IL1RAPL2: variants seen among roughly 807,000 people sequenced by gnomAD.
IL1RAPL2 encodes the protein interleukin 1 receptor accessory protein like 2.
A neutral mutation model predicts 44.1 loss-of-function variants in IL1RAPL2; 3 were observed. That is an observed-to-expected ratio of 0.07 (90% CI 0.03 to 0.18). IL1RAPL2 has a LOEUF of 0.18. IL1RAPL2 is among the 10% of genes least tolerant of loss of function. The pLI, the probability that IL1RAPL2 is intolerant of heterozygous loss-of-function variation, is 1.00. For missense variants in IL1RAPL2, 391 were observed against 496.4 expected, an observed-to-expected ratio of 0.79 and a Z score of 2.02; for synonymous variants, 181 against 178.8, an observed-to-expected ratio of 1.01 and a Z score of -0.10.
chrX:105,287,904 A>G (rs2034583065), intron 5 of IL1RAPL2, among the ~76,000 whole-genome samples: 1 of 111,406 alleles, frequency 9.0e-6, no homozygotes, highest in Non-Finnish European at 1.9e-5. Flanking sequence ...TTTCTAAATT[A>G]TGGTTCTTAT....
intron 1 of IL1RAPL2, among the ~76,000 whole-genome samples, chrX:104,656,032 AT>A (rs1159052894): frequency 9.0e-6 from 1 of 110,691 alleles, no homozygotes; most frequent in Non-Finnish European, 1.9e-5. Context: ...CCTTTATCAT[AT>A]TTTTATTGCA....
intron 1 of IL1RAPL2, among the ~76,000 whole-genome samples, chrX:104,578,990 A>G (rs1299829172): frequency 8.9e-6 from 1 of 111,962 alleles, no homozygotes; most frequent in African/African-American, 3.2e-5. Flanking sequence ...TAGGAACTCA[A>G]TAGATAATAT....
intron 2 of IL1RAPL2, among the ~76,000 whole-genome samples, chrX:104,965,426 ATTAAC>A (rs1233190684): frequency 8.9e-6 from 1 of 111,796 alleles, no homozygotes; most frequent in African/African-American, 3.2e-5. Context: ...GAGCAAAGAA[ATTAAC>A]TTAAAGTAAT....
chrX:105,433,408 G>C (rs1246683139), intron 5 of IL1RAPL2, among the ~76,000 whole-genome samples: 1 of 110,704 alleles, frequency 9.0e-6, no homozygotes, highest in Non-Finnish European at 1.9e-5. Context: ...TAGGAAATTG[G>C]GTGAGATGAA....
At chrX:105,636,602 C>A (rs2037525288) in intron 6 of IL1RAPL2, among the ~76,000 whole-genome samples, 1 of 111,221 alleles carries the variant, frequency 9.0e-6, no homozygotes, top group East Asian at 2.8e-4. Context: ...TACTGAAAGT[C>A]AGCTATATGC....
intron 2 of IL1RAPL2, among the ~76,000 whole-genome samples, chrX:105,072,886 ACGAG>A (rs1396830947): frequency 9.2e-6 from 1 of 108,572 alleles, no homozygotes; most frequent in Admixed American, 9.9e-5. Context: ...GCTCCTACTT[ACGAG>A]TGAGAACATG....
rs905816046 is a variant in IL1RAPL2, at chrX:104,691,194, T to C, written c.82+32199T>C. Among the ~76,000 whole-genome samples, 2 of 112,413 alleles carry C rather than the reference T, an allele frequency of 1.8e-5. 1 individual carries two copies. Among genetic ancestry groups the C allele is most frequent in the South Asian group, 7.3e-4 (2 of 2,731 alleles). On this transcript the variant is annotated intron_variant, in intron 2 of 10. Coordinates refer to ENST00000372582, the MANE Select transcript of IL1RAPL2 (RefSeq NM_017416.2). Reference sequence around the variant, plus strand: ...TTTAGGAGCTCTGCAATGGTTACCATGTGTATCACATTGCTTAAAGCAGAT... The same window carrying C: ...TTTAGGAGCTCTGCAATGGTTACCACGTGTATCACATTGCTTAAAGCAGAT...
At position 104,837,982 on chromosome X, in the gene IL1RAPL2, G is replaced by A. The variant is rs376835631; in HGVS notation, c.82+178987G>A. On this transcript the variant is annotated intron_variant, in intron 2 of 10. Transcript: ENST00000372582. ...TTTCCCAGGACCATTTATTAAATAGGCAGTCATTTAACCATTGCTTGTTTT... is the reference window on the plus strand; with the variant it reads ...TTTCCCAGGACCATTTATTAAATAGACAGTCATTTAACCATTGCTTGTTTT... 2.7e-5 allele frequency among the ~76,000 whole-genome samples: 3 copies of A among 111,844 alleles called. No homozygotes were observed. In the East Asian group the frequency reaches 8.5e-4, roughly 32 times the overall value.
At chrX:105,293,583 C>T (rs1022198070) in intron 5 of IL1RAPL2, among the ~76,000 whole-genome samples, 2 of 112,035 alleles carry the variant, frequency 1.8e-5, no homozygotes, top group Non-Finnish European at 3.8e-5. Context: ...AATTATATCT[C>T]ATTATAGGTT....
intron 6 of IL1RAPL2, among the ~76,000 whole-genome samples, chrX:105,535,810 G>A (rs2036672834): frequency 9.0e-6 from 1 of 111,454 alleles, no homozygotes; most frequent in East Asian, 2.8e-4. Flanking sequence ...GCAGTAGCAT[G>A]AAGGAATGTT....
At chrX:104,580,396 G>GC (rs764121492) in intron 1 of IL1RAPL2, among the ~76,000 whole-genome samples, 2 of 112,782 alleles carry the variant, frequency 1.8e-5, no homozygotes, top group East Asian at 5.6e-4. Flanking sequence ...CTTCAGGCAC[G>GC]CCTGCTTTAC....
intron 1 of IL1RAPL2, among the ~76,000 whole-genome samples, chrX:104,621,794 A>T (rs1267735512): frequency 8.9e-6 from 1 of 112,002 alleles, no homozygotes; most frequent in Non-Finnish European, 1.9e-5. Context: ...AGAGCTATAT[A>T]ACCCAGTAGC....
chrX:105,553,466 G>T (rs1187587548), intron 6 of IL1RAPL2, among the ~76,000 whole-genome samples: 1 of 111,675 alleles, frequency 9.0e-6, no homozygotes, highest in Non-Finnish European at 1.9e-5. Flanking sequence ...CTGAGCTAAT[G>T]CCCAGTGCTT....
intron 2 of IL1RAPL2, among the ~76,000 whole-genome samples, chrX:104,681,681 C>T (rs1489523941): frequency 8.9e-6 from 1 of 112,684 alleles, no homozygotes; most frequent in Non-Finnish European, 1.9e-5. Flanking sequence ...TAGAGACTTA[C>T]TTACCTAAGG....
chrX:104,947,008 T>A, intron 2 of IL1RAPL2, among the ~76,000 whole-genome samples: 1 of 103,371 alleles, frequency 9.7e-6, no homozygotes, highest in East Asian at 3.1e-4. Context: ...TCCACAATGG[T>A]TGAACTAGTT....
At chrX:104,639,636 GT>G (rs1396055919) in intron 1 of IL1RAPL2, among the ~76,000 whole-genome samples, 1 of 111,150 alleles carries the variant, frequency 9.0e-6, no homozygotes, top group African/African-American at 3.3e-5. Context: ...CTTCATGATG[GT>G]AAAAGTCCTT....
chrX:104,582,638 T>TTCTTTCTC (rs1928395217), intron 1 of IL1RAPL2, among the ~76,000 whole-genome samples: 3 of 84,491 alleles, frequency 3.6e-5, no homozygotes, highest in African/African-American at 6.2e-5. Flanking sequence ...CTTTCTTTCT[T>TTCTTTCTC]TCTCTCTTTC....
intron 2 of IL1RAPL2, among the ~76,000 whole-genome samples, chrX:104,788,575 G>A (rs1050025614): frequency 9.0e-6 from 1 of 111,593 alleles, no homozygotes; most frequent in African/African-American, 3.3e-5. Flanking sequence ...CAGGTTGTGG[G>A]GCAAATAGCG....
chrX:105,443,469 C>T (rs1201950582), intron 5 of IL1RAPL2, among the ~76,000 whole-genome samples: 1 of 110,851 alleles, frequency 9.0e-6, no homozygotes. Context: ...TCTTTTATAC[C>T]CATTAATTTT....
Sources: gnomAD v4.1 joint callset for allele counts (sites outside exome capture counted in the v4.1 genomes callset) on GRCh38, gnomAD v4.1.1 for gene constraint, MANE v1.5 for transcripts, NCBI Gene and HGNC (gene_info 2026-07-23, HGNC 2026-07-21) for gene names.